NAALADL2: variants seen among roughly 807,000 people sequenced by gnomAD.
NAALADL2 encodes inactive N-acetylated-alpha-linked acidic dipeptidase-like protein 2.
A neutral mutation model predicts 87.2 loss-of-function variants in NAALADL2; 76 were observed. The ratio of observed to expected loss-of-function variants is 0.87; its 90% confidence interval spans 0.72 to 1.05. The LOEUF is 1.05. NAALADL2 is among the 50% of genes least tolerant of loss of function. The probability of loss-of-function intolerance (pLI) is 0.00; values close to 1 mark genes in which losing one functional copy is unlikely to be tolerated. For missense variants in NAALADL2, 1,089 were observed against 945.8 expected (o/e 1.15, Z -1.99); for synonymous variants, 354 against 331.0 (o/e 1.07, Z -0.75).
At chr3:175,168,261 A>C (rs1227110600) in intron 2 of NAALADL2, among the ~76,000 whole-genome samples, 1 of 151,924 alleles carries the variant, frequency 6.6e-6, no homozygotes, top group Non-Finnish European at 1.5e-5. Context: ...CACCTTAAGG[A>C]ATCAAAAAAT....
intron 10 of NAALADL2, among the ~76,000 whole-genome samples, chr3:175,625,676 G>T (rs1726884111): frequency 6.6e-6 from 1 of 151,952 alleles, no homozygotes; most frequent in Admixed American, 6.6e-5. Flanking sequence ...AGGAATGAAA[G>T]TGTCGGCCGT....
intron 9 of NAALADL2, among the ~76,000 whole-genome samples, chr3:175,567,736 G>T (rs1460864302): frequency 2.8e-5 from 4 of 143,104 alleles, no homozygotes; most frequent in African/African-American, 1.1e-4. Context: ...TTTTTTTTGA[G>T]AGAGAGTCTT....
intron 5 of NAALADL2, among the ~76,000 whole-genome samples, chr3:175,329,456 A>T (rs1317769614): frequency 4.6e-5 from 7 of 152,190 alleles, no homozygotes; most frequent in Non-Finnish European, 1.0e-4. Context: ...ATTACCAGGT[A>T]TTCCTGGTCC....
At chr3:174,801,105 T>G (rs1471093690) in intron 3 of NAALADL2, among the ~76,000 whole-genome samples, 1 of 152,122 alleles carries the variant, frequency 6.6e-6, no homozygotes, top group Non-Finnish European at 1.5e-5. Context: ...AGTTGAGACT[T>G]GGAGGGACTG....
At chr3:174,758,363 T>A (rs981998596) in intron 3 of NAALADL2, among the ~76,000 whole-genome samples, 6 of 152,244 alleles carry the variant, frequency 3.9e-5, no homozygotes, top group Non-Finnish European at 8.8e-5. Flanking sequence ...GAGTAATTAA[T>A]GAAATAACAT....
chr3:174,580,618 C>T (rs556677448), intron 2 of NAALADL2, among the ~76,000 whole-genome samples: 1 of 152,186 alleles, frequency 6.6e-6, no homozygotes, highest in African/African-American at 2.4e-5. Context: ...TAGACACTTT[C>T]TAGAATTTGA....
intron 6 of NAALADL2, among the ~76,000 whole-genome samples, chr3:175,455,548 A>G (rs1412516202): frequency 1.3e-5 from 2 of 152,100 alleles, no homozygotes; most frequent in Non-Finnish European, 2.9e-5. Context: ...TTACTAAATA[A>G]AAAGAATACG....
chr3:175,558,135 T>C (rs1482169322), intron 9 of NAALADL2, among the ~76,000 whole-genome samples: 12 of 141,308 alleles, frequency 8.5e-5, no homozygotes, highest in African/African-American at 2.8e-4. Context: ...GCGGAGCTTG[T>C]AGTGAGCTGA....
At chr3:174,567,517 G>A (rs1370603601) in intron 2 of NAALADL2, among the ~76,000 whole-genome samples, 2 of 151,318 alleles carry the variant, frequency 1.3e-5, no homozygotes, top group East Asian at 3.9e-4. Flanking sequence ...TGCATATTAA[G>A]TATCATCATA....
At chr3:175,156,954 C>T (rs1026001427) in intron 2 of NAALADL2, among the ~76,000 whole-genome samples, 1 of 151,974 alleles carries the variant, frequency 6.6e-6, no homozygotes, top group African/African-American at 2.4e-5. Flanking sequence ...AGTTTCTTTA[C>T]ATAACAAAGC....
chr3:175,280,051 T>C (rs528744593), intron 4 of NAALADL2, among the ~76,000 whole-genome samples: 1 of 151,898 alleles, frequency 6.6e-6, no homozygotes, highest in Admixed American at 6.6e-5. Flanking sequence ...AAAACAGTTT[T>C]AAATATACCC....
intron 2 of NAALADL2, among the ~76,000 whole-genome samples, chr3:174,728,323 A>G (rs1732396013): frequency 6.6e-6 from 1 of 152,058 alleles, no homozygotes; most frequent in Non-Finnish European, 1.5e-5. Context: ...TGAACTTATA[A>G]TAAGCCTTTA....
chr3:174,910,171 T>C (rs1205976533), intron 1 of NAALADL2, among the ~76,000 whole-genome samples: 1 of 151,886 alleles, frequency 6.6e-6, no homozygotes, highest in East Asian at 1.9e-4. Context: ...TATACATATA[T>C]ATATATCACA....
chr3:175,234,638 C>A (rs1027504468), intron 3 of NAALADL2, among the ~76,000 whole-genome samples: 1 of 152,034 alleles, frequency 6.6e-6, no homozygotes, highest in South Asian at 2.1e-4. Context: ...TGAAACACAG[C>A]GCCCCTACTT....
chr3:174,881,722 A>G (rs929665574), intron 1 of NAALADL2, among the ~76,000 whole-genome samples: 18 of 152,128 alleles, frequency 1.2e-4, no homozygotes, highest in African/African-American at 4.3e-4. Context: ...TAGAATAGTC[A>G]CTGGCATATA....
At chr3:175,695,102 G>A (rs1297427417) in intron 11 of NAALADL2, among the ~76,000 whole-genome samples, 1 of 150,564 alleles carries the variant, frequency 6.6e-6, no homozygotes, top group Non-Finnish European at 1.5e-5. Context: ...GAGATAATTG[G>A]GCATTTTTTA....
At chr3:175,797,899 G>A (rs1346749507) in intron 13 of NAALADL2, among the ~76,000 whole-genome samples, 1 of 151,976 alleles carries the variant, frequency 6.6e-6, no homozygotes, top group African/African-American at 2.4e-5. Flanking sequence ...AGAGTACTTA[G>A]GATTAATGAT....
At chr3:175,019,820 T>A (rs554910472) in intron 1 of NAALADL2, among the ~76,000 whole-genome samples, 3 of 152,124 alleles carry the variant, frequency 2.0e-5, no homozygotes, top group Non-Finnish European at 2.9e-5. Flanking sequence ...CATTCTCTTA[T>A]GCAAATTATT....
intron 4 of NAALADL2, among the ~76,000 whole-genome samples, chr3:175,286,240 C>T (rs1463668434): frequency 2.0e-5 from 3 of 151,972 alleles, no homozygotes; most frequent in African/African-American, 4.8e-5. Flanking sequence ...TTATTCAGAC[C>T]AGAGGGAAAA....
Sources: allele counts gnomAD v4.1 joint callset (sites outside exome capture counted in the v4.1 genomes callset), GRCh38; gene constraint gnomAD v4.1.1; transcripts MANE v1.5; gene names NCBI Gene and HGNC (gene_info 2026-07-23, HGNC 2026-07-21).